NUDT12: variants seen among roughly 807,000 people sequenced by gnomAD.
NUDT12 encodes the protein NAD-capped RNA hydrolase NUDT12.
Under a neutral mutation model 45.7 loss-of-function variants are expected in NUDT12, and 42 were observed. That is an observed-to-expected ratio of 0.92 (90% CI 0.72 to 1.19). The LOEUF is 1.19. NUDT12 is among the 50% of genes most tolerant of loss of function. The pLI, the probability that NUDT12 is intolerant of heterozygous loss-of-function variation, is 0.00. For synonymous variants in NUDT12, 206 were observed against 179.7 expected (o/e 1.15, Z -1.17); for missense variants, 590 against 533.1 (o/e 1.11, Z -1.05).
intron 5 of NUDT12, 123 bp from the exon 6 acceptor site, chr5:103,552,539 A>C: frequency 1.4e-6 from 1 of 699,038 alleles, no homozygotes; most frequent in Admixed American, 2.7e-5. Context: ...ATCAGAAAGC[A>C]GAAGCCTAAA....
At chr5:103,559,897 T>G (rs1000180213) in intron 2 of NUDT12, 146 bp downstream of exon 2, 4 of 577,960 alleles carry the variant, frequency 6.9e-6, no homozygotes, top group Admixed American at 3.3e-5. Context: ...TTAGAAAAAT[T>G]GTGCTACATT....
At chr5:103,556,565 G>A (rs1430941773) in intron 3 of NUDT12, among the ~76,000 whole-genome samples, 1 of 152,018 alleles carries the variant, frequency 6.6e-6, no homozygotes, top group Non-Finnish European at 1.5e-5. Flanking sequence ...GCCATTGATG[G>A]TCCAAGCCAT....
At chr5:103,559,987 G>T in intron 2 of NUDT12, 56 bp downstream of exon 2, 1 of 1,243,452 alleles carries the variant, frequency 8.0e-7, no homozygotes, top group Non-Finnish European at 1.2e-6. Context: ...AAGTAAATAT[G>T]TAACAAAGAA....
chr5:103,556,014 T>G lies in NUDT12; in HGVS notation c.881A>C (p.Glu294Ala). The G allele has an allele frequency of 6.2e-7, 1 of 1,611,998 alleles. No homozygotes were observed. The highest frequency in any genetic ancestry group is 1.1e-5 in the South Asian group (1 of 90,864). Residue 294 changes from glutamate to alanine, a missense_variant, in exon 4 of 7, where the codon GAA (glutamate) becomes GCA (alanine). Physicochemically the swap from Glu to Ala is moderately radical, Grantham distance 107. Coordinates refer to ENST00000230792, the MANE Select transcript of NUDT12 (RefSeq NM_031438.4). ...ACATAATCTCTTATAGCCACCTTCT[T>G]CAATTTTAGTTGCATTTCCACAGGT... ...CPTCGNATKI[E>A]EGGYKRLCLK...
At chr5:103,552,548 A>C (rs1748689536) in intron 5 of NUDT12, 132 bp from the exon 6 acceptor site, 8 of 639,030 alleles carry the variant, frequency 1.3e-5, no homozygotes, top group Non-Finnish European at 5.4e-6. Context: ...CAGAAGCCTA[A>C]AACTAGACTG....
In NUDT12 at chr5:103,559,150, C is replaced by T; in HGVS notation, c.525G>A (p.Arg175=). ...TATCTGTGTAGTTCAGCTGACAAAG[C>T]CTAACTTCTGGCTGTTGGAAACTTT... ...NKESFQQPEV[R]LCQLNYTDIK... The change falls in exon 3 of 7, where the codon AGG becomes AGA. Residue 175 remains arginine, a synonymous_variant. Transcript: ENST00000230792. 2 of 1,569,104 alleles carry T rather than the reference C, an allele frequency of 1.3e-6. No individual in the cohort carries two copies. The highest frequency in any genetic ancestry group is 1.7e-6 in the Non-Finnish European group (2 of 1,160,678).
chr5:103,559,020 C>T lies in NUDT12; in HGVS notation c.655G>A (p.Glu219Lys), dbSNP rs751015225. Residue 219 changes from glutamate (E) to lysine (K), a missense_variant, in exon 3 of 7, where the codon GAG becomes AAG. Physicochemically the swap from Glu to Lys is moderately conservative, Grantham distance 56. Transcript: ENST00000230792. ...LLNYAGEVPR[E>K]EEDGLVAWFA... ...CAGGCAACCAATCCATCTTCCTCCTCTCTCGGGACTTCACCAGCATAATTA... is the reference window on the plus strand; with the variant it reads ...CAGGCAACCAATCCATCTTCCTCCTTTCTCGGGACTTCACCAGCATAATTA... 5.6e-6 allele frequency: 9 copies of T among 1,613,710 alleles called. No individual in the cohort carries two copies. The Admixed American group carries it at 6.7e-5, about 12-fold the overall frequency.
rs1748587540 is a variant in NUDT12 at position 103,549,550 on chromosome 5, G to C, written c.*1311C>G. The stretch of plus-strand genomic sequence containing the variant: ...GGAGAATCGTCCTCTGCATTATATA[G>C]TACAGACTGTTGTAATTAGTTATGT... On this transcript the variant is annotated 3_prime_UTR_variant, in exon 7 of 7. Transcript: ENST00000230792. 6.6e-6 allele frequency: 1 copy of C among 151,736 alleles called. No homozygotes were observed. Among genetic ancestry groups the C allele is most frequent in the Non-Finnish European group, 1.5e-5 (1 of 67,852 alleles). 9.4% of individuals were successfully genotyped at this position (151,736 alleles called of 1,614,324 possible).
In NUDT12 at chr5:103,550,531, T is replaced by A. The variant is rs1481806047; in HGVS notation, c.*330A>T. 5.6e-6 allele frequency: 1 copy of A among 177,424 alleles called. No homozygotes were observed. The highest frequency in any genetic ancestry group is 5.8e-5 in the Admixed American group (1 of 17,246). The allele number at this position is 177,424 out of a possible 1,614,324, so 11.0% of individuals were successfully genotyped here. A position where few individuals can be genotyped will look rare whatever the true frequency, so the allele number is the denominator to read the frequency against. ...AATGCTTACAAGAGGCACTGAAATT[T>A]ATGCACATTTCTAGAACATCTTTCC... On this transcript the variant is annotated 3_prime_UTR_variant, in exon 7 of 7. Transcript: ENST00000230792.
In NUDT12 at chr5:103,559,138, C is replaced by G. The variant is rs1335041790; in HGVS notation, c.537G>C (p.Leu179=). 1 of 1,581,766 alleles carries G rather than the reference C, an allele frequency of 6.3e-7. No individual in the cohort carries two copies. Among genetic ancestry groups the G allele is most frequent in the East Asian group, 2.2e-5 (1 of 44,566 alleles). Residue 179 remains leucine (L), a synonymous_variant, in exon 3 of 7, where the codon CTG becomes CTC. Transcript: ENST00000230792. ...FQQPEVRLCQ[L]NYTDIKDYLA... is the part of the protein sequence containing the mutation. ...AATAATCCTTTATATCTGTGTAGTT[C>G]AGCTGACAAAGCCTAACTTCTGGCT...
At position 103,559,967 on chromosome 5, in the gene NUDT12, C is replaced by G. The variant is rs1467461067; in HGVS notation, c.206+76G>C. 6.6e-6 allele frequency: 7 copies of G among 1,055,280 alleles called. No individual in the cohort carries two copies. In the Admixed American group the frequency reaches 1.0e-4, roughly 15 times the overall value. 65.4% of individuals were successfully genotyped at this position (1,055,280 alleles called of 1,614,324 possible). Reference sequence around the variant, plus strand: ...TCAACAATATAAATATGGAAACAAGCAAAATTTTAAAGTAAATATGTAACA... The same window carrying G: ...TCAACAATATAAATATGGAAACAAGGAAAATTTTAAAGTAAATATGTAACA... On this transcript the variant is annotated intron_variant, in intron 2 of 6. Coordinates refer to ENST00000230792, the MANE Select transcript of NUDT12 (RefSeq NM_031438.4).
Position 103,559,390 on chromosome 5 carries a change from A to G in NUDT12, c.285T>C (p.Ala95=). Residue 95 remains alanine (A), a synonymous_variant, in exon 3 of 7, where the codon GCT becomes GCC. Transcript: ENST00000230792. ...IAVFWGYKHI[A]NLLATAKGGK... is the part of the protein sequence containing the mutation. The stretch of plus-strand genomic sequence containing the variant: ...CACCTTTAGCAGTAGCTAGTAAATT[A>G]GCTATATGCTTATAACCCCAAAATA... 1 of 1,612,720 alleles carries G rather than the reference A, an allele frequency of 6.2e-7. No homozygotes were observed. Among genetic ancestry groups the G allele is most frequent in the Non-Finnish European group, 8.5e-7 (1 of 1,179,402 alleles).
rs779977956 is a variant in NUDT12 at position 103,559,039 on chromosome 5, A to G, written c.636T>C (p.Tyr212=). 6.8e-6 allele frequency: 11 copies of G among 1,613,720 alleles called. No homozygotes were observed. Among genetic ancestry groups the G allele is most frequent in the Admixed American group, 1.7e-5 (1 of 59,988 alleles). The part of the protein sequence containing the change: ...ELEIKDKLLN[Y]AGEVPREEED... ...CCTCCTCTCTCGGGACTTCACCAGCATAATTAAGTAGTTTGTCTTTTATTT... is the reference window on the plus strand; with the variant it reads ...CCTCCTCTCTCGGGACTTCACCAGCGTAATTAAGTAGTTTGTCTTTTATTT... The change falls in exon 3 of 7, where the codon TAT becomes TAC. Residue 212 remains tyrosine, a synonymous_variant. Transcript: ENST00000230792.
chr5:103,550,737 C>T lies in NUDT12; in HGVS notation c.*124G>A, dbSNP rs1430182158. On this transcript the variant is annotated 3_prime_UTR_variant, in exon 7 of 7. Transcript: ENST00000230792. The stretch of plus-strand genomic sequence containing the variant: ...AAGACAGAACACTTTGAAAATATTT[C>T]GAAAACCCAACATCGTATTTTGTGT... 1.8e-5 allele frequency: 11 copies of T among 614,376 alleles called. No homozygotes were observed. Among genetic ancestry groups the T allele is most frequent in the Admixed American group, 2.9e-5 (1 of 34,314 alleles). The allele number at this position is 614,376 out of a possible 1,614,324, so 38.1% of individuals were successfully genotyped here.
chr5:103,561,622 C>T (rs1749035294), intron 1 of NUDT12, among the ~76,000 whole-genome samples: 1 of 152,192 alleles, frequency 6.6e-6, no homozygotes, highest in Non-Finnish European at 1.5e-5. Flanking sequence ...ACAAAAGCTA[C>T]AAATTTTCAG....
rs751739300 is a variant in NUDT12 at position 103,555,968 on chromosome 5, A to G, written c.927T>C (p.Ser309=). 12 of 1,609,708 alleles carry G rather than the reference A, an allele frequency of 7.5e-6. No individual in the cohort carries two copies. The highest frequency in any genetic ancestry group is 1.0e-5 in the Non-Finnish European group (12 of 1,177,526). Residue 309 remains serine (S), a synonymous_variant, in exon 4 of 7, where the codon AGT becomes AGC. Coordinates refer to ENST00000230792, the MANE Select transcript of NUDT12 (RefSeq NM_031438.4). ...ATGAGGTATTATGGACGCCATTGAG[A>G]CTAGGACAGTCTTCTTTTAAACATA... is the stretch of plus-strand genomic sequence containing the variant. ...KRLCLKEDCP[S]LNGVHNTSYP...
At chr5:103,554,334 G>C (rs1346862297) in intron 5 of NUDT12, among the ~76,000 whole-genome samples, 1 of 151,964 alleles carries the variant, frequency 6.6e-6, no homozygotes, top group Non-Finnish European at 1.5e-5. Flanking sequence ...GAGTGCCATA[G>C]GGAAAAATCA....
intron 3 of NUDT12, among the ~76,000 whole-genome samples, chr5:103,557,930 T>C (rs1409193630): frequency 6.6e-6 from 1 of 152,068 alleles, no homozygotes; most frequent in Non-Finnish European, 1.5e-5. Context: ...GTAATGTCCA[T>C]TTCTAAAACT....
intron 6 of NUDT12, 142 bp downstream of exon 6, chr5:103,552,075 T>G: frequency 1.6e-6 from 1 of 628,900 alleles, no homozygotes. Flanking sequence ...TGTATGGAAT[T>G]ACTAATTACC....
Sources: allele counts gnomAD v4.1 joint callset (sites outside exome capture counted in the v4.1 genomes callset), GRCh38; gene constraint gnomAD v4.1.1; transcripts MANE v1.5; gene names NCBI Gene and HGNC (gene_info 2026-07-23, HGNC 2026-07-21).